HBS1L: variants seen among roughly 807,000 people sequenced by gnomAD.
HBS1L encodes HBS1 like translational GTPase, also known as HBS1-like protein.
HBS1L carries 55 observed loss-of-function variants against 88.9 expected under a neutral mutation model. The observed-to-expected ratio is 0.62, with a 90% confidence interval of 0.50 to 0.77. HBS1L has a LOEUF of 0.77. Among genes scored for constraint, HBS1L ranks in the 30% least tolerant of loss-of-function variants. The pLI is 0.00. For missense variants in HBS1L, 741 were observed against 829.3 expected, an observed-to-expected ratio of 0.89 and a Z score of 1.31; for synonymous variants, 267 against 288.5, an observed-to-expected ratio of 0.93 and a Z score of 0.76.
chr6:135,033,761 G>A (rs2114885436), intron 4 of HBS1L, among the ~76,000 whole-genome samples: 1 of 152,290 alleles, frequency 6.6e-6, no homozygotes, highest in South Asian at 2.1e-4. Flanking sequence ...TAACACAATA[G>A]TGCTGCTATT....
intron 16 of HBS1L, among the ~76,000 whole-genome samples, chr6:134,968,887 A>T (rs530098999): frequency 7.2e-5 from 11 of 152,326 alleles, no homozygotes; most frequent in Admixed American, 3.3e-4. Flanking sequence ...ACGCAGTAGA[A>T]ATTTGGAACC....
chr6:135,028,874 T>C (rs1055578766), intron 4 of HBS1L, among the ~76,000 whole-genome samples: 2 of 152,078 alleles, frequency 1.3e-5, no homozygotes, highest in Admixed American at 1.3e-4. Flanking sequence ...GATCTTCTTC[T>C]TTTTTTAGTA....
At chr6:134,982,304 C>T in intron 13 of HBS1L, 154 bp downstream of exon 13, 1 of 584,648 alleles carries the variant, frequency 1.7e-6, no homozygotes, top group Non-Finnish European at 3.1e-6. Context: ...TTAATGTTTT[C>T]ACATTTTAAT....
chr6:135,053,742 G>C (rs906750747), intron 1 of HBS1L, among the ~76,000 whole-genome samples: 2 of 152,174 alleles, frequency 1.3e-5, no homozygotes, highest in African/African-American at 2.4e-5. Flanking sequence ...TCTGCACTTC[G>C]TAAAGCATAG....
At chr6:134,978,821 T>A (rs13214669) in intron 14 of HBS1L, 34 bp from the exon 15 acceptor site, 1 of 1,310,600 alleles carries the variant, frequency 7.6e-7, no homozygotes, top group Non-Finnish European at 1.1e-6. Context: ...GAAAGGTAAT[T>A]GGGGGACAAA....
intron 2 of HBS1L, among the ~76,000 whole-genome samples, chr6:135,046,901 T>C (rs1187091499): frequency 6.6e-6 from 1 of 152,198 alleles, no homozygotes; most frequent in Admixed American, 6.5e-5. Flanking sequence ...TATACCACTA[T>C]AGAGGAAAGT....
In HBS1L at chr6:135,048,924, G is replaced by A. The variant is rs1176429464; in HGVS notation, c.109+1658C>T. Among the ~76,000 whole-genome samples, 5 of 152,280 alleles carry A rather than the reference G, an allele frequency of 3.3e-5. No individual in the cohort carries two copies. In the East Asian group the frequency reaches 9.7e-4, roughly 29 times the overall value. The stretch of plus-strand genomic sequence containing the variant: ...TTAACAGGAAAAGGATGACAGAGTA[G>A]ATATGATAAAGACAACTTCTAGCAT... On this transcript the variant is annotated intron_variant, in intron 2 of 17. Coordinates refer to ENST00000367837, the MANE Select transcript of HBS1L (RefSeq NM_006620.4).
chr6:134,988,544 GA>G (rs1356198999), intron 8 of HBS1L, among the ~76,000 whole-genome samples: 1 of 150,898 alleles, frequency 6.6e-6, no homozygotes, highest in Non-Finnish European at 1.5e-5. Context: ...TGGTCAACAT[GA>G]AAAAAATTCA....
At chr6:135,002,437 A>G (rs1315942049) in intron 5 of HBS1L, among the ~76,000 whole-genome samples, 1 of 152,158 alleles carries the variant, frequency 6.6e-6, no homozygotes, top group Non-Finnish European at 1.5e-5. Context: ...AGAATTCCCT[A>G]TCTCACAGTG....
chr6:135,038,275 G>A (rs1261635635), intron 4 of HBS1L, among the ~76,000 whole-genome samples: 1 of 152,068 alleles, frequency 6.6e-6, no homozygotes, highest in African/African-American at 2.4e-5. Flanking sequence ...TACAATGTAA[G>A]TCAGTCAATG....
At chr6:135,009,107 A>G (rs1445866737) in intron 4 of HBS1L, among the ~76,000 whole-genome samples, 1 of 152,216 alleles carries the variant, frequency 6.6e-6, no homozygotes, top group Non-Finnish European at 1.5e-5. Context: ...GGTGCTTTAC[A>G]TGGTCGTTTA....
At chr6:135,011,381 G>A (rs1355315721) in intron 4 of HBS1L, among the ~76,000 whole-genome samples, 2 of 152,050 alleles carry the variant, frequency 1.3e-5, no homozygotes, top group South Asian at 4.2e-4. Context: ...TTAGCTGGGC[G>A]TATTAACATG....
chr6:135,016,077 G>A (rs765717757), intron 4 of HBS1L, among the ~76,000 whole-genome samples: 9 of 151,750 alleles, frequency 5.9e-5, no homozygotes, highest in African/African-American at 1.5e-4. Flanking sequence ...GAAGAGATGC[G>A]GTTTCACCAT....
In HBS1L at chr6:135,039,190, G is replaced by A. The variant is rs570269948; in HGVS notation, c.430+383C>T. Among the ~76,000 whole-genome samples, 7 of 151,844 alleles carry A rather than the reference G, an allele frequency of 4.6e-5. No homozygotes were observed. The East Asian group carries it at 5.8e-4, about 13-fold the overall frequency. On this transcript the variant is annotated intron_variant, in intron 4 of 17. Coordinates refer to ENST00000367837, the MANE Select transcript of HBS1L (RefSeq NM_006620.4). ...AAAAAAAAGCCAGGCATGGTGGCAC[G>A]CACCTGTAATCCCAGTTACTTGGGA...
intron 4 of HBS1L, among the ~76,000 whole-genome samples, chr6:135,006,684 G>C (rs751582512): frequency 6.6e-6 from 1 of 152,076 alleles, no homozygotes; most frequent in Non-Finnish European, 1.5e-5. Context: ...AATTATAGAA[G>C]GATTGGCTTT....
chr6:134,972,695 G>T (rs1044774061), intron 15 of HBS1L, among the ~76,000 whole-genome samples: 2 of 152,134 alleles, frequency 1.3e-5, no homozygotes, highest in African/African-American at 4.8e-5. Flanking sequence ...AATCATGTAT[G>T]TAATAAGGGA....
At chr6:134,997,360 T>C (rs376372934) in intron 6 of HBS1L, 37 bp downstream of exon 6, 2 of 1,611,506 alleles carry the variant, frequency 1.2e-6, no homozygotes, top group Admixed American at 1.7e-5. Flanking sequence ...GGCTAAGGCA[T>C]GGCTGGCTGA....
chr6:135,008,461 G>A (rs1334106187), intron 4 of HBS1L, among the ~76,000 whole-genome samples: 1 of 152,110 alleles, frequency 6.6e-6, no homozygotes, highest in East Asian at 1.9e-4. Flanking sequence ...ATTAGAAACT[G>A]CCTCCATCCC....
At chr6:135,003,859 C>T (rs967835496) in intron 4 of HBS1L, among the ~76,000 whole-genome samples, 15 of 151,726 alleles carry the variant, frequency 9.9e-5, no homozygotes, top group Admixed American at 3.9e-4. Context: ...AGTGAGACTC[C>T]GTCTCCAAAA....
Sources: allele counts gnomAD v4.1 joint callset (sites outside exome capture counted in the v4.1 genomes callset), GRCh38; gene constraint gnomAD v4.1.1; transcripts MANE v1.5; gene names NCBI Gene and HGNC (gene_info 2026-07-23, HGNC 2026-07-21).